The following DMD variants were observed in gnomAD, a reference collection of about 807,000 sequenced individuals.
The protein encoded by DMD is mutant dystrophin.
Under a neutral mutation model 330.1 loss-of-function variants are expected in DMD, and 63 were observed. The ratio of observed to expected loss-of-function variants is 0.19; its 90% CI spans 0.16 to 0.24. DMD has a LOEUF of 0.24. DMD is among the 10% of genes least tolerant of loss of function. The pLI, the probability that DMD is intolerant of heterozygous loss-of-function variation, is 1.00. For synonymous variants in DMD, 1,223 were observed against 959.8 expected (o/e 1.27, Z -5.07); for missense variants, 3,344 against 2,684.1 (o/e 1.25, Z -5.43).
intron 1 of DMD, among the ~76,000 whole-genome samples, chrX:33,097,657 C>T (rs1297063930): frequency 1.0e-5 from 1 of 99,701 alleles, no homozygotes; most frequent in Non-Finnish European, 2.0e-5. Flanking sequence ...ACTCTGTCGC[C>T]CAGCCTGGAG....
At chrX:32,109,191 T>C (rs971750103) in intron 44 of DMD, among the ~76,000 whole-genome samples, 3 of 111,668 alleles carry the variant, frequency 2.7e-5, no homozygotes, top group African/African-American at 9.7e-5. Flanking sequence ...GTTTTTGGAA[T>C]GCTCTCTCTC....
chrX:32,449,559 T>C (rs1441809241), intron 26 of DMD, among the ~76,000 whole-genome samples: 1 of 107,202 alleles, frequency 9.3e-6, no homozygotes, highest in Non-Finnish European at 1.9e-5. Context: ...TCAAATCCCC[T>C]AACACAAGCA....
At chrX:31,955,471 T>C (rs780288306) in intron 45 of DMD, among the ~76,000 whole-genome samples, 4 of 112,097 alleles carry the variant, frequency 3.6e-5, no homozygotes, top group African/African-American at 9.7e-5. Context: ...TGGACATATA[T>C]CTTGTTTTTT....
At chrX:31,370,759 T>G (rs1255937514) in intron 60 of DMD, among the ~76,000 whole-genome samples, 1 of 112,220 alleles carries the variant, frequency 8.9e-6, no homozygotes, top group Non-Finnish European at 1.9e-5. Flanking sequence ...TTCACAATAG[T>G]CCAAAACTAC....
At chrX:31,914,750 C>A (rs1232562545) in intron 47 of DMD, among the ~76,000 whole-genome samples, 1 of 111,555 alleles carries the variant, frequency 9.0e-6, no homozygotes, top group South Asian at 3.7e-4. Flanking sequence ...GTGGAGGAGT[C>A]GGGGAGGGGG....
chrX:32,169,390 T>C (rs1357164625), intron 44 of DMD, among the ~76,000 whole-genome samples: 1 of 111,981 alleles, frequency 8.9e-6, no homozygotes, highest in Non-Finnish European at 1.9e-5. Context: ...GATTTGTCCC[T>C]TGAGGTCCAG....
chrX:32,653,364 C>A (rs2060309726), intron 9 of DMD, among the ~76,000 whole-genome samples: 2 of 111,954 alleles, frequency 1.8e-5, no homozygotes, highest in African/African-American at 6.5e-5. Context: ...CCAGTTTCAG[C>A]TTTCTACATA....
chrX:31,676,116 T>A (rs2082062841), intron 53 of DMD, among the ~76,000 whole-genome samples: 1 of 112,331 alleles, frequency 8.9e-6, no homozygotes, highest in Non-Finnish European at 1.9e-5. Context: ...ATCACAGCTC[T>A]CCAAGGCTGT....
At chrX:32,205,499 G>A (rs1039815531) in intron 44 of DMD, among the ~76,000 whole-genome samples, 3 of 110,268 alleles carry the variant, frequency 2.7e-5, no homozygotes, top group Non-Finnish European at 3.8e-5. Context: ...ATGGTGTACC[G>A]ACCTCTATTA....
At chrX:32,335,527 T>C (rs1424703052) in intron 41 of DMD, among the ~76,000 whole-genome samples, 2 of 103,051 alleles carry the variant, frequency 1.9e-5, no homozygotes, top group Non-Finnish European at 3.9e-5. Context: ...GTATGTTATA[T>C]ATAAAACATG....
chrX:32,339,314 C>T (rs1413968927), intron 41 of DMD, among the ~76,000 whole-genome samples: 1 of 112,044 alleles, frequency 8.9e-6, no homozygotes, highest in East Asian at 2.8e-4. Flanking sequence ...CCTCAGTTTA[C>T]AGTCCGTGCT....
chrX:32,610,295 C>G (rs1443661764), intron 12 of DMD, among the ~76,000 whole-genome samples: 1 of 111,149 alleles, frequency 9.0e-6, no homozygotes, highest in East Asian at 2.9e-4. Context: ...TGGTTTCTCC[C>G]AAATGGTGCA....
intron 1 of DMD, among the ~76,000 whole-genome samples, chrX:33,176,674 G>A (rs772392445): frequency 8.1e-5 from 9 of 110,752 alleles, no homozygotes; most frequent in African/African-American, 3.0e-4. Flanking sequence ...AGTGGCTCAC[G>A]CCTGTAATCC....
chrX:32,415,466 C>T (rs186812446), intron 29 of DMD, among the ~76,000 whole-genome samples: 2 of 111,978 alleles, frequency 1.8e-5, no homozygotes, highest in East Asian at 2.8e-4. Flanking sequence ...GCATAAGCTG[C>T]CTTCTATTTC....
chrX:31,321,061 C>A (rs1015519276), intron 62 of DMD, among the ~76,000 whole-genome samples: 7 of 111,138 alleles, frequency 6.3e-5, no homozygotes, highest in African/African-American at 2.3e-4. Context: ...TAGGGCATAT[C>A]TAAAGCTAAT....
intron 1 of DMD, among the ~76,000 whole-genome samples, chrX:33,158,366 C>T (rs1378827056): frequency 9.0e-6 from 1 of 111,191 alleles, no homozygotes. Flanking sequence ...TCATCAGAAA[C>T]CTAGTGTGGC....
intron 1 of DMD, among the ~76,000 whole-genome samples, chrX:33,334,025 A>C (rs763096342): frequency 9.0e-6 from 1 of 111,080 alleles, no homozygotes; most frequent in Non-Finnish European, 1.9e-5. Flanking sequence ...ATTGACTTTC[A>C]CCCTTTCTGT....
chrX:32,815,119 G>A (rs943283486), intron 6 of DMD, among the ~76,000 whole-genome samples: 7 of 110,772 alleles, frequency 6.3e-5, no homozygotes, highest in Admixed American at 1.9e-4. Context: ...TTCTAAATCA[G>A]GTTGCTGAGT....
chrX:32,572,295 G>A (rs1302999393), intron 15 of DMD, among the ~76,000 whole-genome samples: 1 of 111,515 alleles, frequency 9.0e-6, no homozygotes, highest in Non-Finnish European at 1.9e-5. Flanking sequence ...AAAATGAGTG[G>A]AAAAATTTAC....
Sources: gnomAD v4.1 joint callset for allele counts (sites outside exome capture counted in the v4.1 genomes callset) on GRCh38, gnomAD v4.1.1 for gene constraint, MANE v1.5 for transcripts, NCBI Gene and HGNC (gene_info 2026-07-23, HGNC 2026-07-21) for gene names.